The following API5 variants were observed in gnomAD, a reference collection of about 807,000 sequenced individuals.
API5 encodes the protein FIF.
In API5, 6 loss-of-function variants were observed where a neutral mutation model predicts 71.9. The ratio of observed to expected loss-of-function variants is 0.08; its 90% CI spans 0.05 to 0.16. The LOEUF (loss-of-function observed/expected upper bound fraction) is 0.16, where lower values mean the gene tolerates loss of function less well. Ranked by LOEUF, API5 falls within the 10% of genes least tolerant of loss-of-function variation. The pLI is 1.00. For synonymous variants in API5, 189 were observed against 221.3 expected, an observed-to-expected ratio of 0.85 and a Z score of 1.30; for missense variants, 332 against 612.8, an observed-to-expected ratio of 0.54 and a Z score of 4.84.
intron 7 of API5, among the ~76,000 whole-genome samples, 178 bp from the exon 8 acceptor site, chr11:43,327,611 T>C (rs915740947): frequency 6.6e-6 from 1 of 152,232 alleles, no homozygotes; most frequent in Non-Finnish European, 1.5e-5. Context: ...TGACCTTTAC[T>C]TTCCTTCACA....
At chr11:43,318,882 A>AC in intron 2 of API5, 81 bp downstream of exon 2, 1 of 1,368,142 alleles carries the variant, frequency 7.3e-7, no homozygotes, top group South Asian at 1.3e-5. Flanking sequence ...GCAATCTGAT[A>AC]TATCAGAGTA....
At chr11:43,319,172 A>G (rs541497534) in intron 2 of API5, among the ~76,000 whole-genome samples, 3 of 152,354 alleles carry the variant, frequency 2.0e-5, no homozygotes, top group African/African-American at 7.2e-5. Flanking sequence ...ATATCATAAA[A>G]TGTAGTTTCA....
chr11:43,336,526 A>C (rs1468673113), intron 13 of API5, among the ~76,000 whole-genome samples: 4 of 152,212 alleles, frequency 2.6e-5, no homozygotes, highest in African/African-American at 9.6e-5. Context: ...CCCAGAATGC[A>C]ATCCTCCTAT....
chr11:43,339,767 G>A (rs1330240415), intron 13 of API5, among the ~76,000 whole-genome samples: 5 of 152,140 alleles, frequency 3.3e-5, no homozygotes, highest in Non-Finnish European at 1.5e-5. Flanking sequence ...GAAATACTGT[G>A]ATCAAAACAA....
intron 8 of API5, 137 bp from the exon 9 acceptor site, chr11:43,328,575 A>G (rs1855149544): frequency 1.3e-6 from 1 of 762,764 alleles, no homozygotes. Context: ...AGTAAGTAAA[A>G]AAGAAATCCA....
chr11:43,322,252 C>G (rs1056698245), intron 5 of API5, 116 bp downstream of exon 5: 8 of 958,980 alleles, frequency 8.3e-6, no homozygotes, highest in Non-Finnish European at 1.2e-5. Flanking sequence ...ATCATATATC[C>G]CATTGGAACC....
intron 6 of API5, among the ~76,000 whole-genome samples, chr11:43,325,038 C>T (rs538669550): frequency 6.6e-5 from 10 of 151,940 alleles, no homozygotes; most frequent in Middle Eastern, 3.4e-3. Context: ...TGTTCCAATG[C>T]TCCAGATGAC....
In API5 at chr11:43,319,274, GT is replaced by G. The variant is rs1854781934; in HGVS notation, c.231+478del. Among the ~76,000 whole-genome samples, 5 of 152,076 alleles carry G rather than the reference GT, an allele frequency of 3.3e-5. No homozygotes were observed. The South Asian group carries it at 8.3e-4, about 25-fold the overall frequency. The stretch of plus-strand genomic sequence containing the variant: ...AAAAAGAAATAGTTTTTGTTTTTTG[GT>G]TTTTGGGGGGTTTTTTGGAACAGAA... On this transcript the variant is annotated intron_variant, in intron 2 of 13. Coordinates refer to ENST00000531273, the MANE Select transcript of API5 (RefSeq NM_001142930.2).
intron 13 of API5, among the ~76,000 whole-genome samples, chr11:43,337,078 C>A (rs1271510029): frequency 2.0e-5 from 3 of 150,424 alleles, no homozygotes; most frequent in African/African-American, 7.3e-5. Flanking sequence ...AAACCCAACA[C>A]TTTCGGAGGC....
chr11:43,320,435 T>G (rs746085388), intron 2 of API5, among the ~76,000 whole-genome samples: 12 of 152,048 alleles, frequency 7.9e-5, no homozygotes, highest in Non-Finnish European at 1.6e-4. Flanking sequence ...CTCTGTGGTT[T>G]TAGTTTTCTT....
chr11:43,312,320 CCT>C, intron 1 of API5, 124 bp downstream of exon 1: 2 of 1,033,442 alleles, frequency 1.9e-6, no homozygotes, highest in Non-Finnish European at 2.9e-6. Context: ...CTCCTAGCCT[CCT>C]CAGGCCGTCT....
At chr11:43,323,273 T>C (rs1854957126) in intron 5 of API5, among the ~76,000 whole-genome samples, 157 bp from the exon 6 acceptor site, 1 of 152,218 alleles carries the variant, frequency 6.6e-6, no homozygotes, top group African/African-American at 2.4e-5. Flanking sequence ...TGAAGCTCAA[T>C]TGACTGAAGC....
rs150466686 is a variant in API5, at chr11:43,335,322, A to G, written c.1323A>G (p.Leu441=). The G allele has an allele frequency of 4.4e-6, 7 of 1,607,348 alleles. No individual in the cohort carries two copies. The highest frequency in any genetic ancestry group is 2.2e-5 in the East Asian group (1 of 44,840). The change falls in exon 12 of 14, where the codon CTA becomes CTG. Residue 441 remains leucine (L), a synonymous_variant. Coordinates refer to ENST00000531273, the MANE Select transcript of API5 (RefSeq NM_001142930.2). ...IPPSYKSTVT[L]SWKPVQKVEI... ...CTTCTTATAAGAGCACAGTAACACTATCCTGGAAACCTGTACAAAAGGTTG... is the reference window on the plus strand; with the variant it reads ...CTTCTTATAAGAGCACAGTAACACTGTCCTGGAAACCTGTACAAAAGGTTG...
intron 8 of API5, among the ~76,000 whole-genome samples, 199 bp from the exon 9 acceptor site, chr11:43,328,501 TAGCAGCTGTAAC>T (rs994450879): frequency 3.9e-5 from 6 of 152,170 alleles, no homozygotes; most frequent in East Asian, 1.9e-4. Context: ...TTATTAATAA[TAGCAGCTGTAAC>T]AGCAGCTGTA....
intron 11 of API5, chr11:43,331,347 T>C (rs1306883189): frequency 6.5e-6 from 1 of 153,408 alleles, no homozygotes; most frequent in Non-Finnish European, 1.4e-5. Flanking sequence ...AATGCTAAAT[T>C]TGGCTTTATA....
intron 11 of API5, among the ~76,000 whole-genome samples, chr11:43,332,397 T>A (rs1461101289): frequency 6.6e-6 from 1 of 152,170 alleles, no homozygotes; most frequent in Non-Finnish European, 1.5e-5. Flanking sequence ...GTTTTACCCA[T>A]GCTTCTGATT....
At chr11:43,330,178 T>C in intron 10 of API5, 120 bp downstream of exon 10, 1 of 773,538 alleles carries the variant, frequency 1.3e-6, no homozygotes, top group Non-Finnish European at 2.1e-6. Flanking sequence ...ATCCCAGTCC[T>C]AATGAAATAT....
At chr11:43,322,222 G>T (rs1590356581) in intron 5 of API5, 86 bp downstream of exon 5, 1 of 1,312,536 alleles carries the variant, frequency 7.6e-7, no homozygotes, top group East Asian at 2.4e-5. Flanking sequence ...GTTATGTGTG[G>T]CTTGTGTATA....
chr11:43,322,429 C>T (rs914081550), intron 5 of API5, among the ~76,000 whole-genome samples: 1 of 152,076 alleles, frequency 6.6e-6, no homozygotes, highest in African/African-American at 2.4e-5. Context: ...GGAAACTTTC[C>T]CTAAGTCCTA....
Sources: allele counts gnomAD v4.1 joint callset (sites outside exome capture counted in the v4.1 genomes callset), GRCh38; gene constraint gnomAD v4.1.1; transcripts MANE v1.5; gene names NCBI Gene and HGNC (gene_info 2026-07-23, HGNC 2026-07-21).